RBFOX1: variants seen among roughly 807,000 people sequenced by gnomAD.
The protein encoded by RBFOX1 is RNA binding protein fox-1 homolog 1.
RBFOX1 carries 8 observed loss-of-function variants against 57.7 expected under a neutral mutation model. That is an observed-to-expected ratio of 0.14 (90% CI 0.08 to 0.25). The LOEUF (loss-of-function observed/expected upper bound fraction) is 0.25. Among genes scored for constraint, RBFOX1 ranks in the 10% least tolerant of loss-of-function variants. The probability of loss-of-function intolerance (pLI) is 1.00; values close to 1 mark genes in which losing one functional copy is unlikely to be tolerated. For missense variants in RBFOX1, 611 were observed against 548.5 expected, an observed-to-expected ratio of 1.11 and a Z score of -1.14; for synonymous variants, 326 against 222.4, an observed-to-expected ratio of 1.47 and a Z score of -4.15.
At chr16:5,549,003 G>T (rs1248355164) in intron 2 of RBFOX1, among the ~76,000 whole-genome samples, 1 of 152,214 alleles carries the variant, frequency 6.6e-6, no homozygotes, top group Non-Finnish European at 1.5e-5. Context: ...ATTGGATGTG[G>T]ATGCTGATAC....
rs1597371001 is a variant in RBFOX1 at position 6,106,982 on chromosome 16, T to A, written c.-127+86990T>A. 3.9e-5 allele frequency among the ~76,000 whole-genome samples: 6 copies of A among 152,166 alleles called. No individual in the cohort carries two copies. In the South Asian group the frequency reaches 1.2e-3, roughly 32 times the overall value. On this transcript the variant is annotated intron_variant, in intron 1 of 15. Coordinates refer to ENST00000550418, the MANE Select transcript of RBFOX1 (RefSeq NM_018723.4). ...CACCATGCCTGGCCACCCCTCCTTC[T>A]TTTAAAAAATTCCTGCAGTCACTCT...
chr16:6,865,943 C>A (rs1237158164), intron 3 of RBFOX1, among the ~76,000 whole-genome samples: 2 of 151,980 alleles, frequency 1.3e-5, no homozygotes, highest in Non-Finnish European at 2.9e-5. Flanking sequence ...TTGGTTCTTG[C>A]ACAGTAATGT....
intron 2 of RBFOX1, among the ~76,000 whole-genome samples, chr16:5,514,939 G>T (rs1048170521): frequency 6.6e-6 from 1 of 152,224 alleles, no homozygotes; most frequent in Non-Finnish European, 1.5e-5. Flanking sequence ...CATGGCGCCA[G>T]TGTCTGCTTT....
chr16:7,567,407 C>CTA (rs374399963), intron 5 of RBFOX1, among the ~76,000 whole-genome samples: 10,522 of 68,770 alleles, frequency 0.15, 1,124 homozygotes, highest in Admixed American at 0.24. Flanking sequence ...ATATATATCC[C>CTA]TATATATATA....
At chr16:7,661,701 C>A (rs2067787929) in intron 12 of RBFOX1, among the ~76,000 whole-genome samples, 1 of 152,172 alleles carries the variant, frequency 6.6e-6, no homozygotes. Flanking sequence ...GTCTTCATGC[C>A]TTCGCATAGT....
chr16:7,352,302 A>C (rs1021023690), intron 4 of RBFOX1, among the ~76,000 whole-genome samples: 1 of 152,136 alleles, frequency 6.6e-6, no homozygotes, highest in African/African-American at 2.4e-5. Context: ...GGCAGAAACA[A>C]CTGGCCCTGT....
At chr16:7,152,508 T>C (rs2076293736) in intron 4 of RBFOX1, among the ~76,000 whole-genome samples, 1 of 152,172 alleles carries the variant, frequency 6.6e-6, no homozygotes, top group Non-Finnish European at 1.5e-5. Context: ...AATTGTGGCC[T>C]TATGGTCTGG....
At chr16:5,346,248 TATAAGACAGGGA>T (rs1053439423) in intron 1 of RBFOX1, among the ~76,000 whole-genome samples, 4 of 152,278 alleles carry the variant, frequency 2.6e-5, no homozygotes, top group Admixed American at 2.0e-4. Context: ...TATGCCCAGT[TATAAGACAGGGA>T]ATAAAAAAGT....
At chr16:7,406,384 G>C (rs905707762) in intron 4 of RBFOX1, among the ~76,000 whole-genome samples, 8 of 152,134 alleles carry the variant, frequency 5.3e-5, no homozygotes, top group Admixed American at 5.2e-4. Context: ...TGCTTTCCTT[G>C]TTCAGAATAC....
chr16:6,115,676 T>C (rs1207602259), intron 1 of RBFOX1, among the ~76,000 whole-genome samples: 1 of 152,210 alleles, frequency 6.6e-6, no homozygotes, highest in Non-Finnish European at 1.5e-5. Flanking sequence ...GATTTTTGTG[T>C]TGTGGGCCGA....
intron 3 of RBFOX1, among the ~76,000 whole-genome samples, chr16:5,823,921 C>T (rs188414806): frequency 2.6e-5 from 4 of 152,116 alleles, no homozygotes; most frequent in African/African-American, 9.6e-5. Flanking sequence ...GTAATTGAAT[C>T]CCACATCTCC....
chr16:6,370,602 A>T (rs1038309980), intron 2 of RBFOX1, among the ~76,000 whole-genome samples: 1 of 152,192 alleles, frequency 6.6e-6, no homozygotes, highest in African/African-American at 2.4e-5. Flanking sequence ...CAAATATTGT[A>T]TGATTCTACT....
At chr16:6,954,730 G>C (rs2081411067) in intron 3 of RBFOX1, among the ~76,000 whole-genome samples, 1 of 152,100 alleles carries the variant, frequency 6.6e-6, no homozygotes, top group Non-Finnish European at 1.5e-5. Flanking sequence ...GAGGAGATGA[G>C]CCCCAGAGAA....
intron 2 of RBFOX1, among the ~76,000 whole-genome samples, chr16:6,432,186 C>T (rs113609577): frequency 1.3e-5 from 2 of 151,834 alleles, no homozygotes; most frequent in Admixed American, 1.3e-4. Flanking sequence ...CTAGGCTGGT[C>T]TTGAATTCCT....
At chr16:6,745,238 C>CT (rs1424000297) in intron 3 of RBFOX1, among the ~76,000 whole-genome samples, 5 of 151,982 alleles carry the variant, frequency 3.3e-5, no homozygotes, top group Non-Finnish European at 5.9e-5. Context: ...TGTTAATAAA[C>CT]TTTACAAAAC....
chr16:7,138,736 C>A (rs920948015), intron 4 of RBFOX1, among the ~76,000 whole-genome samples: 1 of 152,160 alleles, frequency 6.6e-6, no homozygotes, highest in African/African-American at 2.4e-5. Flanking sequence ...AGGCCGTATG[C>A]TTGAGACTTG....
At chr16:6,565,882 T>A (rs1284737078) in intron 2 of RBFOX1, among the ~76,000 whole-genome samples, 1 of 152,232 alleles carries the variant, frequency 6.6e-6, no homozygotes, top group South Asian at 2.1e-4. Flanking sequence ...TAGTAACACA[T>A]AACCCCCAAT....
intron 3 of RBFOX1, among the ~76,000 whole-genome samples, chr16:7,036,130 C>G (rs2044339953): frequency 6.6e-6 from 1 of 152,012 alleles, no homozygotes; most frequent in Non-Finnish European, 1.5e-5. Flanking sequence ...CTGGGGATGT[C>G]CACCTTGGGT....
intron 4 of RBFOX1, among the ~76,000 whole-genome samples, chr16:7,392,986 G>C (rs994791789): frequency 1.3e-4 from 20 of 152,080 alleles, no homozygotes; most frequent in Non-Finnish European, 2.4e-4. Flanking sequence ...TGATTTTCCT[G>C]CTTCAGCCTC....
Sources: gnomAD v4.1 joint callset for allele counts (sites outside exome capture counted in the v4.1 genomes callset) on GRCh38, gnomAD v4.1.1 for gene constraint, MANE v1.5 for transcripts, NCBI Gene and HGNC (gene_info 2026-07-23, HGNC 2026-07-21) for gene names.